PSD3: variants seen among roughly 807,000 people sequenced by gnomAD.
PSD3 encodes PH and SEC7 domain-containing protein 3.
Under a neutral mutation model 105.5 loss-of-function variants are expected in PSD3, and 49 were observed. The ratio of observed to expected loss-of-function variants is 0.46; its 90% confidence interval spans 0.37 to 0.59. The LOEUF (loss-of-function observed/expected upper bound fraction) is 0.59, where lower values mean the gene tolerates loss of function less well. Ranked by LOEUF, PSD3 falls within the 20% of genes least tolerant of loss-of-function variation. PSD3 has a pLI of 0.00. For synonymous variants in PSD3, 557 were observed against 457.8 expected, an observed-to-expected ratio of 1.22 and a Z score of -2.77; for missense variants, 1,561 against 1,263.8, an observed-to-expected ratio of 1.24 and a Z score of -3.57.
At position 18,883,148 on chromosome 8, in the gene PSD3, T is replaced by C. The variant is rs528600177; in HGVS notation, c.131-10415A>G. On this transcript the variant is annotated intron_variant, in intron 2 of 15. Coordinates refer to ENST00000327040, the MANE Select transcript of PSD3 (RefSeq NM_015310.4). Reference sequence around the variant, plus strand: ...TTTCTAACGAGAATCCCAGAGGATTTGTATACACGTTACAGGATGAGAAAC... The same window carrying C: ...TTTCTAACGAGAATCCCAGAGGATTCGTATACACGTTACAGGATGAGAAAC... 2.6e-5 allele frequency among the ~76,000 whole-genome samples: 4 copies of C among 152,290 alleles called. No individual in the cohort carries two copies. In the East Asian group the frequency reaches 7.7e-4, roughly 29 times the overall value.
chr8:18,911,335 A>G (rs939074372), intron 2 of PSD3, among the ~76,000 whole-genome samples: 6 of 152,236 alleles, frequency 3.9e-5, no homozygotes, highest in African/African-American at 1.4e-4. Flanking sequence ...ACTTTCAAGG[A>G]AAGTTAGCAC....
intron 9 of PSD3, among the ~76,000 whole-genome samples, chr8:18,665,497 G>A (rs1031332542): frequency 1.3e-5 from 2 of 152,228 alleles, no homozygotes; most frequent in African/African-American, 2.4e-5. Flanking sequence ...GTAGTTTCCT[G>A]AGATGGAAAC....
chr8:19,076,397 G>A (rs998738068), intron 1 of PSD3, among the ~76,000 whole-genome samples: 16 of 152,178 alleles, frequency 1.1e-4, no homozygotes, highest in South Asian at 8.3e-4. Flanking sequence ...AGTGAGAGGA[G>A]ATAGGCCAGA....
At chr8:19,082,220 A>G (rs1165115930) in intron 1 of PSD3, among the ~76,000 whole-genome samples, 4 of 152,122 alleles carry the variant, frequency 2.6e-5, no homozygotes, top group African/African-American at 9.7e-5. Context: ...TACGGCACCT[A>G]CAGGATCTAA....
At chr8:18,859,353 G>A (rs536794324) in intron 4 of PSD3, among the ~76,000 whole-genome samples, 1 of 151,798 alleles carries the variant, frequency 6.6e-6, no homozygotes, top group Non-Finnish European at 1.5e-5. Flanking sequence ...CACAGGCAGA[G>A]TAGATTTAAG....
chr8:18,911,096 A>G (rs1820193226), intron 2 of PSD3, among the ~76,000 whole-genome samples: 1 of 152,136 alleles, frequency 6.6e-6, no homozygotes, highest in Admixed American at 6.5e-5. Flanking sequence ...CAATAGAATG[A>G]GGCCATGTCA....
chr8:18,727,256 G>T (rs1420049128), intron 9 of PSD3, among the ~76,000 whole-genome samples: 1 of 144,640 alleles, frequency 6.9e-6, no homozygotes, highest in Non-Finnish European at 1.5e-5. Context: ...AGAATCGATT[G>T]AACCTGGGAG....
At chr8:18,722,834 T>C (rs1340605510) in intron 9 of PSD3, among the ~76,000 whole-genome samples, 1 of 152,206 alleles carries the variant, frequency 6.6e-6, no homozygotes, top group Non-Finnish European at 1.5e-5. Flanking sequence ...GGAGCATTAC[T>C]GGAGTACAAT....
chr8:18,798,572 C>G (rs576674014), intron 8 of PSD3, among the ~76,000 whole-genome samples: 1 of 151,964 alleles, frequency 6.6e-6, no homozygotes, highest in Non-Finnish European at 1.5e-5. Context: ...AGATATATTA[C>G]GGCAAATCAA....
At chr8:18,539,474 A>G (rs1800029077) in intron 15 of PSD3, among the ~76,000 whole-genome samples, 1 of 152,156 alleles carries the variant, frequency 6.6e-6, no homozygotes, top group Non-Finnish European at 1.5e-5. Context: ...ACCGATTGTG[A>G]AATTTAAGTT....
chr8:18,922,171 C>A (rs919797514), intron 2 of PSD3, among the ~76,000 whole-genome samples: 46 of 152,154 alleles, frequency 3.0e-4, no homozygotes, highest in African/African-American at 1.1e-3. Context: ...TCAGTTCATA[C>A]ACCTGACAAT....
chr8:18,980,819 C>A (rs950186120), intron 1 of PSD3, among the ~76,000 whole-genome samples: 1 of 152,062 alleles, frequency 6.6e-6, no homozygotes, highest in Non-Finnish European at 1.5e-5. Flanking sequence ...CTATTTACAC[C>A]CTTCACCATC....
At chr8:18,619,909 C>A (rs1468808990) in intron 11 of PSD3, among the ~76,000 whole-genome samples, 1 of 152,142 alleles carries the variant, frequency 6.6e-6, no homozygotes, top group Non-Finnish European at 1.5e-5. Flanking sequence ...TGGAGAATCG[C>A]CATTGATGCA....
chr8:18,596,057 T>C (rs1270641987), intron 12 of PSD3, among the ~76,000 whole-genome samples: 1 of 151,884 alleles, frequency 6.6e-6, no homozygotes, highest in East Asian at 1.9e-4. Flanking sequence ...CCAAATATAT[T>C]GTCCAATCAC....
Position 18,541,052 on chromosome 8 carries a change from C to A in PSD3, c.2929-5094G>T, listed in dbSNP as rs866899467. Among the ~76,000 whole-genome samples, 5 of 151,910 alleles carry A rather than the reference C, an allele frequency of 3.3e-5. No homozygotes were observed. In the South Asian group the frequency reaches 8.3e-4, roughly 25 times the overall value. On this transcript the variant is annotated intron_variant, in intron 15 of 15. Transcript: ENST00000327040. ...TGTGCACTTTAACATCACTTTGACACTGAGGCCTTCCCTGGCCATCAAAAT... is the reference window on the plus strand; with the variant it reads ...TGTGCACTTTAACATCACTTTGACAATGAGGCCTTCCCTGGCCATCAAAAT...
At chr8:18,696,581 A>T (rs1421542158) in intron 9 of PSD3, among the ~76,000 whole-genome samples, 1 of 152,222 alleles carries the variant, frequency 6.6e-6, no homozygotes, top group Non-Finnish European at 1.5e-5. Context: ...TCTTTAATTC[A>T]GATATTACTA....
At chr8:18,978,042 C>T (rs1744905242) in intron 1 of PSD3, among the ~76,000 whole-genome samples, 2 of 152,198 alleles carry the variant, frequency 1.3e-5, no homozygotes. Context: ...AGCAATTGAT[C>T]ATCAGTACCT....
At chr8:18,723,326 T>G (rs1490891526) in intron 9 of PSD3, among the ~76,000 whole-genome samples, 1 of 152,202 alleles carries the variant, frequency 6.6e-6, no homozygotes, top group Non-Finnish European at 1.5e-5. Context: ...AGGAATGAGC[T>G]GTCATGCAAA....
chr8:18,829,900 A>T (rs1226117870), intron 4 of PSD3, among the ~76,000 whole-genome samples: 1 of 152,200 alleles, frequency 6.6e-6, no homozygotes, highest in East Asian at 1.9e-4. Flanking sequence ...TAAAAATAAA[A>T]AATAATAATC....
Sources: gnomAD v4.1 joint callset for allele counts (sites outside exome capture counted in the v4.1 genomes callset) on GRCh38, gnomAD v4.1.1 for gene constraint, MANE v1.5 for transcripts, NCBI Gene and HGNC (gene_info 2026-07-23, HGNC 2026-07-21) for gene names.